TRAPPC9: variants seen among roughly 807,000 people sequenced by gnomAD.
TRAPPC9 encodes the protein trafficking protein particle complex subunit 9, also known as IKK2 binding protein.
A neutral mutation model predicts 124.0 loss-of-function variants in TRAPPC9; 83 were observed. The ratio of observed to expected loss-of-function variants is 0.67; its 90% CI spans 0.56 to 0.80. The LOEUF (loss-of-function observed/expected upper bound fraction) is 0.80. Among genes scored for constraint, TRAPPC9 ranks in the 30% least tolerant of loss-of-function variants. The pLI is 0.00. For synonymous variants in TRAPPC9, 638 were observed against 617.5 expected, an observed-to-expected ratio of 1.03 and a Z score of -0.49; for missense variants, 1,302 against 1,508.3, an observed-to-expected ratio of 0.86 and a Z score of 2.27.
chr8:140,245,806 A>G (rs1588004263), intron 16 of TRAPPC9, among the ~76,000 whole-genome samples: 2 of 152,204 alleles, frequency 1.3e-5, no homozygotes, highest in South Asian at 2.1e-4. Flanking sequence ...GGACACTGCT[A>G]ATTCACAGAA....
chr8:140,391,796 G>T (rs1052191955), intron 7 of TRAPPC9, among the ~76,000 whole-genome samples: 6 of 151,962 alleles, frequency 3.9e-5, no homozygotes, highest in Non-Finnish European at 8.8e-5. Flanking sequence ...GGAGGCCAAG[G>T]CAGGTGGATC....
chr8:139,886,917 G>C (rs965009432), intron 20 of TRAPPC9, among the ~76,000 whole-genome samples: 2 of 152,216 alleles, frequency 1.3e-5, no homozygotes, highest in Admixed American at 1.3e-4. Context: ...TGCAGTCTGA[G>C]GTAGAATGGA....
At chr8:140,023,065 G>A (rs1839913611) in intron 18 of TRAPPC9, among the ~76,000 whole-genome samples, 1 of 152,176 alleles carries the variant, frequency 6.6e-6, no homozygotes, top group Admixed American at 6.5e-5. Context: ...CCCCCTTCGA[G>A]GATAGACAGG....
At chr8:140,163,458 AC>A (rs2061783571) in intron 17 of TRAPPC9, among the ~76,000 whole-genome samples, 1 of 152,192 alleles carries the variant, frequency 6.6e-6, no homozygotes, top group Non-Finnish European at 1.5e-5. Flanking sequence ...GCCATTTTCC[AC>A]CAAAGCGAAT....
intron 8 of TRAPPC9, among the ~76,000 whole-genome samples, chr8:140,364,584 T>G (rs952641379): frequency 1.3e-5 from 2 of 152,110 alleles, no homozygotes; most frequent in African/African-American, 4.8e-5. Context: ...CCAGTAACTC[T>G]TAGCATTTTT....
At chr8:140,390,715 ACT>A in intron 7 of TRAPPC9, among the ~76,000 whole-genome samples, 1 of 152,036 alleles carries the variant, frequency 6.6e-6, no homozygotes, top group South Asian at 2.1e-4. Context: ...TATGCCTCTT[ACT>A]CTCTCCTAAA....
intron 7 of TRAPPC9, among the ~76,000 whole-genome samples, chr8:140,382,157 G>C (rs2132297410): frequency 6.6e-6 from 1 of 152,304 alleles, no homozygotes; most frequent in South Asian, 2.1e-4. Flanking sequence ...GGAATGAAGT[G>C]GCGGTTCCAA....
intron 17 of TRAPPC9, among the ~76,000 whole-genome samples, chr8:140,136,857 G>A (rs1482322887): frequency 6.6e-6 from 1 of 152,194 alleles, no homozygotes; most frequent in African/African-American, 2.4e-5. Context: ...GCCCAAGTCA[G>A]AGGGACAGGA....
At chr8:139,736,369 A>G (rs1203824975) in intron 21 of TRAPPC9, among the ~76,000 whole-genome samples, 1 of 152,234 alleles carries the variant, frequency 6.6e-6, no homozygotes, top group African/African-American at 2.4e-5. Flanking sequence ...CCTGGCATCC[A>G]CAATGACTGC....
chr8:140,242,012 G>A (rs2063866902), intron 16 of TRAPPC9, among the ~76,000 whole-genome samples: 1 of 152,120 alleles, frequency 6.6e-6, no homozygotes, highest in Non-Finnish European at 1.5e-5. Context: ...CAGGAGGGAG[G>A]GGCCGAGTGG....
intron 2 of TRAPPC9, among the ~76,000 whole-genome samples, chr8:140,443,131 C>CAAAAAAAA (rs1177286944): frequency 4.1e-4 from 18 of 43,990 alleles, no homozygotes; most frequent in African/African-American, 1.2e-3. Flanking sequence ...GACTCCATCT[C>CAAAAAAAA]AAAAAAAAAA....
intron 21 of TRAPPC9, among the ~76,000 whole-genome samples, chr8:139,836,978 G>GTCTTGAACCCAGAACCCA (rs3036940): frequency 0.52 from 78,639 of 151,594 alleles, 21,908 homozygotes; most frequent in East Asian, 0.74. Context: ...AGGAGGACTT[G>GTCTTGAACCCAGAACCCA]GGGCCTAGCG....
chr8:139,960,370 C>T (rs1016945660), intron 19 of TRAPPC9, among the ~76,000 whole-genome samples: 1 of 152,170 alleles, frequency 6.6e-6, no homozygotes, highest in Non-Finnish European at 1.5e-5. Context: ...TGCCCAGCAT[C>T]GCCCTCCGGA....
chr8:140,189,728 G>GATA (rs1227610658), intron 17 of TRAPPC9, among the ~76,000 whole-genome samples: 2 of 151,496 alleles, frequency 1.3e-5, no homozygotes, highest in Non-Finnish European at 1.5e-5. Flanking sequence ...ATTACTTTGT[G>GATA]ATAGGAAAAA....
chr8:140,446,136 T>C (rs2071245336), intron 2 of TRAPPC9, among the ~76,000 whole-genome samples: 2 of 151,888 alleles, frequency 1.3e-5, no homozygotes, highest in Admixed American at 1.3e-4. Context: ...GTACTAAAAA[T>C]ACAAAAAACT....
chr8:140,060,167 T>A (rs1842515120), intron 17 of TRAPPC9, among the ~76,000 whole-genome samples: 1 of 152,246 alleles, frequency 6.6e-6, no homozygotes, highest in Non-Finnish European at 1.5e-5. Context: ...TCCAGTCCTC[T>A]TAAGGCACAT....
intron 1 of TRAPPC9, chr8:140,456,705 T>C (rs2071677745): frequency 6.9e-6 from 5 of 722,260 alleles, no homozygotes; most frequent in Non-Finnish European, 8.5e-6. Context: ...CAAATAAAGA[T>C]GTCATAGGTA....
chr8:140,358,459 G>T (rs1338452782), intron 9 of TRAPPC9, among the ~76,000 whole-genome samples: 2 of 152,092 alleles, frequency 1.3e-5, no homozygotes, highest in African/African-American at 4.8e-5. Context: ...CGCCCACCTG[G>T]GCCTCCCAAA....
chr8:140,413,616 C>T (rs1000190321), intron 5 of TRAPPC9, among the ~76,000 whole-genome samples: 5 of 146,396 alleles, frequency 3.4e-5, no homozygotes, highest in Non-Finnish European at 7.5e-5. Flanking sequence ...CCCATTAACT[C>T]GTCATTTAGC....
Sources: allele counts gnomAD v4.1 joint callset (sites outside exome capture counted in the v4.1 genomes callset), GRCh38; gene constraint gnomAD v4.1.1; transcripts MANE v1.5; gene names NCBI Gene and HGNC (gene_info 2026-07-23, HGNC 2026-07-21).